The following AHRR variants were observed in gnomAD, a reference collection of about 807,000 sequenced individuals.
The protein encoded by AHRR is aryl hydrocarbon receptor repressor.
AHRR carries 28 observed loss-of-function variants against 44.0 expected under a neutral mutation model. The ratio of observed to expected loss-of-function variants is 0.64; its 90% CI spans 0.47 to 0.87. The LOEUF is 0.87. Among genes scored for constraint, AHRR ranks in the 40% least tolerant of loss-of-function variants. AHRR has a pLI of 0.00. For synonymous variants in AHRR, 434 were observed against 407.0 expected (o/e 1.07, Z -0.80); for missense variants, 990 against 953.9 (o/e 1.04, Z -0.50).
rs185914254 is a variant in AHRR at position 333,618 on chromosome 5, G to A, written c.-10-10275G>A. ...CTCAAAAAAAACAAAACAAAAAACC[G>A]GACTGTTAACCTGTTTACCTTCAAG... is the stretch of plus-strand genomic sequence containing the variant. On this transcript the variant is annotated intron_variant, in intron 1 of 10. Coordinates refer to ENST00000684583, the MANE Select transcript of AHRR (RefSeq NM_001377236.1). 5.7e-4 allele frequency among the ~76,000 whole-genome samples: 86 copies of A among 152,036 alleles called. 3 individuals carry two copies. In the East Asian group the frequency reaches 0.011, roughly 20 times the overall value.
chr5:365,189 A>G (rs960031296), intron 3 of AHRR, among the ~76,000 whole-genome samples: 7 of 152,192 alleles, frequency 4.6e-5, no homozygotes, highest in Non-Finnish European at 1.5e-5. Context: ...CCCCCAAACT[A>G]CAGAATTCAC....
intron 4 of AHRR, among the ~76,000 whole-genome samples, chr5:385,762 C>T (rs1267222219): frequency 6.6e-6 from 1 of 152,112 alleles, no homozygotes; most frequent in Non-Finnish European, 1.5e-5. Context: ...CTTCTTGAAC[C>T]TGTTCATTTA....
Position 388,323 on chromosome 5 carries a change from C to T in AHRR, c.351+11607C>T, listed in dbSNP as rs553946691. On this transcript the variant is annotated intron_variant, in intron 4 of 10. Transcript: ENST00000684583. This position sits in a 1 kb window ranked among gnomAD's most constrained non-coding sequence, Gnocchi z 5.2. ...TCGTACACAGGGCTCAGTGCGACTG[C>T]GCCTGGGGCTGCCCCAAGACTGTGA... is the stretch of plus-strand genomic sequence containing the variant. Among the ~76,000 whole-genome samples, 13 of 152,354 alleles carry T rather than the reference C, an allele frequency of 8.5e-5. No individual in the cohort carries two copies. The highest frequency in any genetic ancestry group is 4.1e-4 in the South Asian group (2 of 4,826).
Position 434,268 on chromosome 5 carries a change from A to G in AHRR, c.1528A>G (p.Met510Val), listed in dbSNP as rs564319803. Residue 510 changes from methionine (M) to valine (V), a missense_variant, in exon 11 of 11, where the codon ATG becomes GTG. Transcript: ENST00000684583. ...FATRGYPMED[M>V]KLQGVPMPPG... Reference sequence around the variant, plus strand: ...CACGAGGGGCTATCCCATGGAGGACATGAAGCTGCAAGGTGTACCGATGCC... The same window carrying G: ...CACGAGGGGCTATCCCATGGAGGACGTGAAGCTGCAAGGTGTACCGATGCC... The G allele has an allele frequency of 2.5e-6, 4 of 1,604,114 alleles. No homozygotes were observed. The East Asian group carries it at 8.9e-5, about 36-fold the overall frequency.
intron 1 of AHRR, among the ~76,000 whole-genome samples, chr5:336,739 C>G (rs1248879788): frequency 6.6e-6 from 1 of 152,168 alleles, no homozygotes; most frequent in Non-Finnish European, 1.5e-5. Flanking sequence ...ATTATCCAAT[C>G]AAAGCCATTA....
At chr5:328,854 T>G (rs1741817910) in intron 1 of AHRR, among the ~76,000 whole-genome samples, 1 of 152,248 alleles carries the variant, frequency 6.6e-6, no homozygotes, top group South Asian at 2.1e-4. Flanking sequence ...ATTGTCACTC[T>G]GTTTATTATT....
intron 6 of AHRR, 106 bp from the exon 7 acceptor site, chr5:423,735 G>A: frequency 5.0e-6 from 7 of 1,410,154 alleles, no homozygotes; most frequent in Non-Finnish European, 6.6e-6. Flanking sequence ...CACAGTGATA[G>A]GGTTTACATG....
intron 7 of AHRR, among the ~76,000 whole-genome samples, chr5:427,170 T>G (rs1736454408): frequency 6.6e-6 from 1 of 152,184 alleles, no homozygotes; most frequent in Non-Finnish European, 1.5e-5. Flanking sequence ...GGGGTGATTC[T>G]TCCATACAAG....
intron 10 of AHRR, among the ~76,000 whole-genome samples, chr5:433,388 A>G (rs1256340080): frequency 6.6e-6 from 1 of 151,484 alleles, no homozygotes; most frequent in Non-Finnish European, 1.5e-5. Flanking sequence ...CCCACTCTCC[A>G]GGTCACCATC....
At chr5:382,502 C>CT (rs1734025194) in intron 4 of AHRR, among the ~76,000 whole-genome samples, 1 of 152,230 alleles carries the variant, frequency 6.6e-6, no homozygotes, top group Admixed American at 6.5e-5. Flanking sequence ...GATGTCTCCT[C>CT]TTTCATTTCA....
chr5:353,892 G>A lies in AHRR; in HGVS notation c.225G>A (p.Arg75=), dbSNP rs1349621400. ...SVLRLSVSYL[R]VKSFFQVVQE... ...TGCGCCTCAGTGTCAGTTACCTCCGGGTGAAGAGCTTCTTCCAAGGTAGGA... is the reference window on the plus strand; with the variant it reads ...TGCGCCTCAGTGTCAGTTACCTCCGAGTGAAGAGCTTCTTCCAAGGTAGGA... Residue 75 remains arginine, a synonymous_variant, in exon 3 of 11, where the codon CGG becomes CGA. Coordinates refer to ENST00000684583, the MANE Select transcript of AHRR (RefSeq NM_001377236.1). The A allele has an allele frequency of 6.2e-7, 1 of 1,613,450 alleles. No homozygotes were observed. The highest frequency in any genetic ancestry group is 8.5e-7 in the Non-Finnish European group (1 of 1,179,710).
chr5:341,242 T>A (rs1742339087), intron 1 of AHRR, among the ~76,000 whole-genome samples: 1 of 152,104 alleles, frequency 6.6e-6, no homozygotes, highest in Non-Finnish European at 1.5e-5. Flanking sequence ...CTCGAACTCC[T>A]AACCTCAGGT....
rs1047622927 is a variant in AHRR at position 436,194 on chromosome 5, C to G, written c.*1360C>G. On this transcript the variant is annotated 3_prime_UTR_variant, in exon 11 of 11. Coordinates refer to ENST00000684583, the MANE Select transcript of AHRR (RefSeq NM_001377236.1). ...GAGCCCATGGGTGAGGGACCCACCACCCCGCTGCACTGTGCATTGTGCCTC... is the reference window on the plus strand; with the variant it reads ...GAGCCCATGGGTGAGGGACCCACCAGCCCGCTGCACTGTGCATTGTGCCTC... 6.6e-6 allele frequency: 1 copy of G among 151,898 alleles called. No individual in the cohort carries two copies. Among genetic ancestry groups the G allele is most frequent in the East Asian group, 1.9e-4 (1 of 5,316 alleles). The allele number at this position is 151,898 out of a possible 1,614,324, so 9.4% of individuals were successfully genotyped here.
intron 8 of AHRR, among the ~76,000 whole-genome samples, chr5:431,334 C>G (rs1736722310): frequency 6.6e-6 from 1 of 152,212 alleles, no homozygotes; most frequent in Admixed American, 6.5e-5. Flanking sequence ...CACACAACTT[C>G]AGCTCAACAA....
intron 2 of AHRR, among the ~76,000 whole-genome samples, chr5:353,038 C>T (rs1026193866): frequency 6.6e-6 from 1 of 152,150 alleles, no homozygotes; most frequent in Non-Finnish European, 1.5e-5. Flanking sequence ...CCTCTCTGGG[C>T]TCTGTGGTGT....
At chr5:322,816 C>G (rs1438576950) in intron 1 of AHRR, among the ~76,000 whole-genome samples, 1 of 152,250 alleles carries the variant, frequency 6.6e-6, no homozygotes, top group African/African-American at 2.4e-5. Flanking sequence ...ACGTAGGATG[C>G]TGACCCGGCG....
intron 4 of AHRR, among the ~76,000 whole-genome samples, chr5:391,573 G>C (rs369327305): frequency 0.031 from 84 of 2,732 alleles, 2 homozygotes; most frequent in Middle Eastern, 0.17. Context: ...CGTGCACGGG[G>C]GCAGGGCGAG....
rs1243689747 is a variant in AHRR at position 436,595 on chromosome 5, G to GC, written c.*1766dup. The GC allele has an allele frequency of 1.3e-5, 2 of 152,436 alleles. No homozygotes were observed. The highest frequency in any genetic ancestry group is 2.9e-5 in the Non-Finnish European group (2 of 68,150). 9.4% of individuals were successfully genotyped at this position (152,436 alleles called of 1,614,324 possible). A position where few individuals can be genotyped will look rare whatever the true frequency, so the allele number is the denominator to read the frequency against. ...AGCCCAGAGTCACAGATCCATCGTGGCCCCCTATGACCCCCAAGCCCTACC... is the reference window on the plus strand; with the variant it reads ...AGCCCAGAGTCACAGATCCATCGTGGCCCCCCTATGACCCCCAAGCCCTACC... On this transcript the variant is annotated 3_prime_UTR_variant, in exon 11 of 11. Transcript: ENST00000684583.
intron 4 of AHRR, among the ~76,000 whole-genome samples, chr5:400,134 C>T (rs1275861891): frequency 1.3e-5 from 2 of 152,230 alleles, no homozygotes; most frequent in Non-Finnish European, 2.9e-5. Flanking sequence ...CCCAACTTCC[C>T]TTTACTCCGA....
Sources: gnomAD v4.1 joint callset for allele counts (sites outside exome capture counted in the v4.1 genomes callset) on GRCh38, gnomAD v4.1.1 for gene constraint, Gnocchi (gnomAD v3.1) non-coding constraint, MANE v1.5 for transcripts, NCBI Gene and HGNC (gene_info 2026-07-23, HGNC 2026-07-21) for gene names.